Variants in LAMA5 observed in about 807,000 individuals in gnomAD.
LAMA5 encodes the protein laminin subunit alpha-5.
LAMA5 carries 260 observed loss-of-function variants against 433.4 expected under a neutral mutation model. That is an observed-to-expected ratio of 0.60 (90% CI 0.54 to 0.66). The LOEUF (loss-of-function observed/expected upper bound fraction) is 0.66. Ranked by LOEUF, LAMA5 falls within the 30% of genes least tolerant of loss-of-function variation. The pLI is 0.00. For missense variants in LAMA5, 5,378 were observed against 5,258.5 expected, an observed-to-expected ratio of 1.02 and a Z score of -0.70; for synonymous variants, 2,620 against 2,226.6, an observed-to-expected ratio of 1.18 and a Z score of -4.97.
rs745594529 is a variant in LAMA5 at position 62,338,341 on chromosome 20, G to A, written c.1647C>T (p.Ala549=). 1.6e-5 allele frequency: 26 copies of A among 1,608,648 alleles called. No individual in the cohort carries two copies. The Middle Eastern group carries it at 8.3e-4, about 51-fold the overall frequency. The part of the protein sequence containing the change: ...QPCQCSSPGV[A]DDRCDPDTGQ... ...CTGTGTCAGGGTCACAGCGGTCATC[G>A]GCCACTCCAGGGCTGGAACACTGGC... is the stretch of plus-strand genomic sequence containing the variant. The change falls in exon 13 of 80, where the codon GCC becomes GCT. Residue 549 remains alanine (A), a synonymous_variant. Transcript: ENST00000252999.
At position 62,311,033 on chromosome 20, in the gene LAMA5, G is replaced by C. The variant is rs372383112; in HGVS notation, c.10150C>G (p.Arg3384Gly). 9 of 1,608,770 alleles carry C rather than the reference G, an allele frequency of 5.6e-6. No individual in the cohort carries two copies. The East Asian group carries it at 1.6e-4, about 28-fold the overall frequency. ...SSRGLLLFTA[R>G]LRPGSPSLAL... ...AGGGAGGGGCTGCCGGGCCTCAGAC[G>C]GGCAGTGAAGAGGAGGAGGCCTCGG... is the stretch of plus-strand genomic sequence containing the variant. The change falls in exon 74 of 80, where the codon CGT (arginine) becomes GGT (glycine). Residue 3384 changes from arginine (R) to glycine (G), a missense_variant. By Grantham distance (125) the Arg-to-Gly change is moderately radical (BLOSUM62 -2). Coordinates refer to ENST00000252999, the MANE Select transcript of LAMA5 (RefSeq NM_005560.6).
intron 50 of LAMA5, 105 bp downstream of exon 50, chr20:62,320,454 C>T: frequency 1.2e-6 from 1 of 829,618 alleles, no homozygotes; most frequent in Non-Finnish European, 1.9e-6. Context: ...CCTGCACTGA[C>T]ACATGTACGA....
intron 2 of LAMA5, 74 bp from the exon 3 acceptor site, chr20:62,353,325 C>T (rs922242711): frequency 1.8e-6 from 2 of 1,116,418 alleles, no homozygotes; most frequent in African/African-American, 3.1e-5. Flanking sequence ...GGCTCATTTT[C>T]TGCCCCTCAG....
At chr20:62,351,657 T>G in intron 6 of LAMA5, 47 bp downstream of exon 6, 1 of 1,565,082 alleles carries the variant, frequency 6.4e-7, no homozygotes, top group Non-Finnish European at 8.7e-7. Flanking sequence ...GGCAGGGAGC[T>G]GGGGGGGGCC....
Position 62,312,753 on chromosome 20 carries a change from G to C in LAMA5, c.9106C>G (p.Arg3036Gly). 6.3e-7 allele frequency: 1 copy of C among 1,590,796 alleles called. No homozygotes were observed. Reference sequence around the variant, plus strand: ...TCCACACGCACCAGCACACGCTTGCGGCTGCCCCCCAGCAGGAACACCTGG... The same window carrying C: ...TCCACACGCACCAGCACACGCTTGCCGCTGCCCCCCAGCAGGAACACCTGG... The part of the protein sequence containing the change: ...AIQVFLLGGS[R>G]KRVLVRVERA... The change falls in exon 67 of 80, where the codon CGC (arginine) becomes GGC (glycine). Residue 3036 changes from arginine to glycine, a missense_variant. Coordinates refer to ENST00000252999, the MANE Select transcript of LAMA5 (RefSeq NM_005560.6).
chr20:62,364,753 G>T (rs1986532859), intron 1 of LAMA5, among the ~76,000 whole-genome samples: 1 of 152,216 alleles, frequency 6.6e-6, no homozygotes, highest in Admixed American at 6.5e-5. Context: ...TGCTCCAGCT[G>T]CCCAGCAGGG....
At position 62,329,814 on chromosome 20, in the gene LAMA5, A is replaced by G. The variant is rs552957666; in HGVS notation, c.4082T>C (p.Val1361Ala). Reference protein sequence around the residue: ...LLDVTHSELTVTVRVPKGRWL... With the variant: ...LLDVTHSELTATVRVPKGRWL... ...CCGGCCCTTGGGCACACGCACGGTCACAGTGAGCTCGCTGTGGGTCACGTC... is the reference window on the plus strand; with the variant it reads ...CCGGCCCTTGGGCACACGCACGGTCGCAGTGAGCTCGCTGTGGGTCACGTC... Residue 1361 changes from valine (V) to alanine (A), a missense_variant, in exon 32 of 80, where the codon GTG becomes GCG. Physicochemically the swap from Val to Ala is moderately conservative, Grantham distance 64. Transcript: ENST00000252999. 6.2e-7 allele frequency: 1 copy of G among 1,612,552 alleles called. No individual in the cohort carries two copies. Among genetic ancestry groups the G allele is most frequent in the South Asian group, 1.1e-5 (1 of 91,012 alleles).
chr20:62,314,478 GGGGACCA>G, intron 61 of LAMA5, 38 bp from the exon 62 acceptor site: 5 of 1,611,206 alleles, frequency 3.1e-6, no homozygotes, highest in Non-Finnish European at 4.2e-6. Context: ...GATGGGGACC[GGGGACCA>G]GGGACCAGGC....
intron 1 of LAMA5, among the ~76,000 whole-genome samples, chr20:62,365,704 A>C (rs890100091): frequency 2.0e-5 from 3 of 152,296 alleles, no homozygotes; most frequent in African/African-American, 7.2e-5. Flanking sequence ...CCAGGTTCCC[A>C]CAGCTAACCC....
At chr20:62,319,559 T>G in intron 51 of LAMA5, 125 bp downstream of exon 51, 3 of 668,640 alleles carry the variant, frequency 4.5e-6, no homozygotes, top group African/African-American at 1.8e-5. Flanking sequence ...TCCAGAGGCG[T>G]CGTCTCCCAT....
intron 16 of LAMA5, 90 bp from the exon 17 acceptor site, chr20:62,336,876 C>A: frequency 7.5e-7 from 1 of 1,329,836 alleles, no homozygotes; most frequent in Non-Finnish European, 1.1e-6. Flanking sequence ...CCCACGGTCC[C>A]ACAGGAGCTG....
intron 1 of LAMA5, 48 bp from the exon 2 acceptor site, chr20:62,362,600 C>A: frequency 7.1e-7 from 1 of 1,411,346 alleles, no homozygotes; most frequent in Non-Finnish European, 9.3e-7. Flanking sequence ...GCCGGGGCCC[C>A]CTTCCTCCTC....
rs765716365 is a variant in LAMA5, at chr20:62,311,719, A to G, written c.9701T>C (p.Leu3234Pro). The G allele has an allele frequency of 1.3e-6, 2 of 1,564,924 alleles. No individual in the cohort carries two copies. The highest frequency in any genetic ancestry group is 1.7e-6 in the Non-Finnish European group (2 of 1,155,904). ...MKPHRGPPPE[L>P]QPQPEGPPRL... is the part of the protein sequence containing the mutation. Reference sequence around the variant, plus strand: ...CGGGGGCCCCTCAGGCTGCGGCTGGAGCTCGGGGGGTGGTCCCCGGTGGGG... The same window carrying G: ...CGGGGGCCCCTCAGGCTGCGGCTGGGGCTCGGGGGGTGGTCCCCGGTGGGG... Residue 3234 changes from leucine (L) to proline (P), a missense_variant, in exon 71 of 80, where the codon CTC (leucine) becomes CCC (proline). Leu to Pro is a moderately conservative substitution (Grantham distance 98). Coordinates refer to ENST00000252999, the MANE Select transcript of LAMA5 (RefSeq NM_005560.6).
chr20:62,337,368 G>A (rs1044251061), intron 16 of LAMA5, among the ~76,000 whole-genome samples: 24 of 152,206 alleles, frequency 1.6e-4, no homozygotes, highest in Non-Finnish European at 2.8e-4. Flanking sequence ...GCACCCATAC[G>A]AGACACGACA....
chr20:62,359,465 C>T lies in LAMA5; in HGVS notation c.450+2935G>A, dbSNP rs1428842591. On this transcript the variant is annotated intron_variant, in intron 2 of 79. Transcript: ENST00000252999. The surrounding 1 kb of genome is among the most constrained non-coding windows in gnomAD (Gnocchi z 4.3). ...CCTGGGCAGTCATGAACGCGCTCACCCTTCCCTGGGCCTGGGGCCTGGGGC... is the reference window on the plus strand; with the variant it reads ...CCTGGGCAGTCATGAACGCGCTCACTCTTCCCTGGGCCTGGGGCCTGGGGC... Among the ~76,000 whole-genome samples, 2 of 112,060 alleles carry T rather than the reference C, an allele frequency of 1.8e-5. No individual in the cohort carries two copies. Among genetic ancestry groups the T allele is most frequent in the Non-Finnish European group, 3.8e-5 (2 of 52,994 alleles). The allele number at this position is 112,060 out of a possible 152,430, so 73.5% of individuals were successfully genotyped here. A position where few individuals can be genotyped will look rare whatever the true frequency, so the allele number is the denominator to read the frequency against.
In LAMA5 at chr20:62,352,365, G is replaced by A. The variant is rs377034747; in HGVS notation, c.569-5C>T. ...CCAGACAGTCCCTCTTGGAGGCTGC[G>A]GGGAATGGCGGGAGGGGAGGGCGCT... On this transcript the variant is annotated splice_region_variant and splice_polypyrimidine_tract_variant and intron_variant, in intron 3 of 79. Transcript: ENST00000252999. 2.2e-5 allele frequency: 35 copies of A among 1,593,574 alleles called. No homozygotes were observed. The African/African-American group carries it at 3.2e-4, about 15-fold the overall frequency.
At position 62,314,889 on chromosome 20, in the gene LAMA5, G is replaced by T. The variant is rs1194585241; in HGVS notation, c.8106C>A (p.Asn2702Lys). ...QLLAKLSILENRGVHNASLAL... is the reference protein window; with the variant it reads ...QLLAKLSILEKRGVHNASLAL... ...CCAGGCTGGCGTTGTGCACCCCACGGTTCTCCAGGATGCTCAGCTTGGCCA... is the reference window on the plus strand; with the variant it reads ...CCAGGCTGGCGTTGTGCACCCCACGTTTCTCCAGGATGCTCAGCTTGGCCA... The change falls in exon 60 of 80, where the codon AAC (asparagine) becomes AAA (lysine). Residue 2702 changes from asparagine to lysine, a missense_variant. By Grantham distance (94) the Asn-to-Lys change is moderately conservative. Transcript: ENST00000252999. 2 of 1,611,386 alleles carry T rather than the reference G, an allele frequency of 1.2e-6. No homozygotes were observed. The highest frequency in any genetic ancestry group is 3.3e-5 in the Admixed American group (2 of 59,988).
In LAMA5 at chr20:62,312,137, G is replaced by A. The variant is rs758745873; in HGVS notation, c.9504+36C>T. On this transcript the variant is annotated intron_variant, in intron 69 of 79. Coordinates refer to ENST00000252999, the MANE Select transcript of LAMA5 (RefSeq NM_005560.6). Reference sequence around the variant, plus strand: ...AGTCCCAACTGCTCCGACGGCCACCGCGGGGTGGGGAATGGGCACGGGTGT... The same window carrying A: ...AGTCCCAACTGCTCCGACGGCCACCACGGGGTGGGGAATGGGCACGGGTGT... 34 of 1,609,434 alleles carry A rather than the reference G, an allele frequency of 2.1e-5. No homozygotes were observed. In the Middle Eastern group the frequency reaches 5.0e-4, roughly 23 times the overall value.
chr20:62,317,150 C>T (rs116866010), intron 55 of LAMA5, 127 bp from the exon 56 acceptor site: 21,865 of 1,246,304 alleles, frequency 0.018, 215 homozygotes, highest in Non-Finnish European at 0.021. Context: ...CAGGTCTTTG[C>T]CCGTGCCTGT....
Sources: allele counts gnomAD v4.1 joint callset (sites outside exome capture counted in the v4.1 genomes callset), GRCh38; gene constraint gnomAD v4.1.1; non-coding constraint Gnocchi (gnomAD v3.1); transcripts MANE v1.5; gene names NCBI Gene and HGNC (gene_info 2026-07-23, HGNC 2026-07-21).